The following RAPGEF2 variants were observed in gnomAD, a reference collection of about 807,000 sequenced individuals.
RAPGEF2 encodes the protein Rap guanine nucleotide exchange factor 2.
A neutral mutation model predicts 186.7 loss-of-function variants in RAPGEF2; 54 were observed. The observed-to-expected ratio is 0.29, with a 90% confidence interval of 0.23 to 0.36. RAPGEF2 has a LOEUF of 0.36. Among genes scored for constraint, RAPGEF2 ranks in the 10% least tolerant of loss-of-function variants. The probability of loss-of-function intolerance (pLI) is 1.00; values close to 1 mark genes in which losing one functional copy is unlikely to be tolerated. For synonymous variants in RAPGEF2, 712 were observed against 705.9 expected (o/e 1.01, Z -0.14); for missense variants, 1,532 against 2,045.0 (o/e 0.75, Z 4.84).
intron 1 of RAPGEF2, among the ~76,000 whole-genome samples, chr4:159,161,578 C>G (rs764464764): frequency 6.6e-6 from 1 of 152,038 alleles, no homozygotes; most frequent in Non-Finnish European, 1.5e-5. Flanking sequence ...GTGACACTTG[C>G]CTGTAGTCCC....
intron 4 of RAPGEF2, among the ~76,000 whole-genome samples, chr4:159,226,723 GT>G (rs889437854): frequency 2.0e-5 from 3 of 152,120 alleles, no homozygotes; most frequent in African/African-American, 4.8e-5. Context: ...AGTATTTTAT[GT>G]TTTGATTATA....
At chr4:159,307,876 C>T (rs1419786423) in intron 8 of RAPGEF2, among the ~76,000 whole-genome samples, 1 of 152,132 alleles carries the variant, frequency 6.6e-6, no homozygotes, top group African/African-American at 2.4e-5. Flanking sequence ...GAGGCTGAGG[C>T]ACGAGAATCT....
At chr4:159,247,920 G>T (rs1473399709) in intron 7 of RAPGEF2, among the ~76,000 whole-genome samples, 5 of 151,638 alleles carry the variant, frequency 3.3e-5, no homozygotes, top group Admixed American at 2.6e-4. Flanking sequence ...GCACCACCAG[G>T]CCTGGCTAAT....
At chr4:159,182,499 G>A (rs1370846298) in intron 1 of RAPGEF2, among the ~76,000 whole-genome samples, 1 of 145,438 alleles carries the variant, frequency 6.9e-6, no homozygotes, top group Non-Finnish European at 1.5e-5. Flanking sequence ...GGGTTCAAGC[G>A]ATTCTTCTGC....
At chr4:159,255,161 T>C (rs1258468571) in intron 7 of RAPGEF2, among the ~76,000 whole-genome samples, 1 of 152,146 alleles carries the variant, frequency 6.6e-6, no homozygotes, top group Non-Finnish European at 1.5e-5. Flanking sequence ...GGCAACATTA[T>C]CTAGGTTTGT....
chr4:159,318,983 T>G (rs752086694), intron 9 of RAPGEF2, among the ~76,000 whole-genome samples: 1 of 152,180 alleles, frequency 6.6e-6, no homozygotes, highest in Non-Finnish European at 1.5e-5. Context: ...ATTCTATAGA[T>G]TGTTCTAAGA....
chr4:159,146,985 G>A lies in RAPGEF2; in HGVS notation c.70-39657G>A, dbSNP rs541698629. On this transcript the variant is annotated intron_variant, in intron 1 of 29. Transcript: ENST00000691494. ...TTTGCTCTTATTTTTTGTAGAGATGGATTGGTTTCACTTTGTTGCCCTGGC... is the reference window on the plus strand; with the variant it reads ...TTTGCTCTTATTTTTTGTAGAGATGAATTGGTTTCACTTTGTTGCCCTGGC... Among the ~76,000 whole-genome samples, 3 of 152,276 alleles carry A rather than the reference G, an allele frequency of 2.0e-5. No homozygotes were observed. In the South Asian group the frequency reaches 6.2e-4, roughly 32 times the overall value.
chr4:159,131,695 C>T (rs1004442073), intron 1 of RAPGEF2, among the ~76,000 whole-genome samples: 1 of 151,578 alleles, frequency 6.6e-6, no homozygotes, highest in Admixed American at 6.6e-5. Flanking sequence ...TAACGTCTTT[C>T]GCGTTGTTGT....
chr4:159,139,823 A>G lies in RAPGEF2; in HGVS notation c.69+35592A>G, dbSNP rs141833972. 5.8e-4 allele frequency among the ~76,000 whole-genome samples: 88 copies of G among 152,286 alleles called. No homozygotes were observed. The South Asian group carries it at 0.017, about 29-fold the overall frequency. The stretch of plus-strand genomic sequence containing the variant: ...TGTTTATTAAATGGAAAATACCTCA[A>G]TGAATGTCTGTGCTAAAAGTAGATT... On this transcript the variant is annotated intron_variant, in intron 1 of 29. Coordinates refer to ENST00000691494, the MANE Select transcript of RAPGEF2 (RefSeq NM_001394067.2).
intron 7 of RAPGEF2, among the ~76,000 whole-genome samples, chr4:159,250,845 G>A (rs1412939682): frequency 1.3e-5 from 2 of 151,726 alleles, no homozygotes; most frequent in East Asian, 2.0e-4. Context: ...CCTTCAGACC[G>A]CCACTGCGCT....
chr4:159,221,001 G>C (rs1014842723), intron 4 of RAPGEF2, among the ~76,000 whole-genome samples: 1 of 152,216 alleles, frequency 6.6e-6, no homozygotes, highest in Non-Finnish European at 1.5e-5. Flanking sequence ...GAGGTTGGAA[G>C]GTAATGGAAG....
chr4:159,350,685 C>T (rs896385312), intron 26 of RAPGEF2, among the ~76,000 whole-genome samples: 11 of 152,160 alleles, frequency 7.2e-5, no homozygotes, highest in African/African-American at 2.7e-4. Context: ...TGTATTAACA[C>T]AGGTCTTGAT....
chr4:159,337,094 A>G (rs1218844035), intron 17 of RAPGEF2, among the ~76,000 whole-genome samples: 3 of 152,240 alleles, frequency 2.0e-5, no homozygotes, highest in Non-Finnish European at 2.9e-5. Context: ...CAGGCTTTTT[A>G]TAAATGGAAA....
At chr4:159,131,523 T>TTTTTTTTTTTTTTTTTTTTTTTTTTTG (rs1741096180) in intron 1 of RAPGEF2, among the ~76,000 whole-genome samples, 1 of 76,662 alleles carries the variant, frequency 1.3e-5, no homozygotes. Flanking sequence ...ATTGCTATTT[T>TTTTTTTTTTTTTTTTTTTTTTTTTTTG]TTTTTTTTTT....
chr4:159,191,064 GTCA>G (rs1329800071), intron 2 of RAPGEF2, among the ~76,000 whole-genome samples: 1 of 152,216 alleles, frequency 6.6e-6, no homozygotes, highest in Non-Finnish European at 1.5e-5. Flanking sequence ...TGCTTTGGAA[GTCA>G]TCAGTGTATA....
At chr4:159,342,090 A>T (rs967308549) in intron 20 of RAPGEF2, 143 bp downstream of exon 20, 2 of 839,100 alleles carry the variant, frequency 2.4e-6, no homozygotes, top group African/African-American at 3.5e-5. Flanking sequence ...CTGAATCCTA[A>T]CCTTAATCCT....
intron 1 of RAPGEF2, among the ~76,000 whole-genome samples, chr4:159,124,512 C>T (rs2111106913): frequency 6.6e-6 from 1 of 152,196 alleles, no homozygotes; most frequent in Non-Finnish European, 1.5e-5. Flanking sequence ...GCACTCCAGC[C>T]TGGGTGACAG....
chr4:159,246,779 G>T (rs1754681361), intron 7 of RAPGEF2, among the ~76,000 whole-genome samples: 1 of 152,180 alleles, frequency 6.6e-6, no homozygotes, highest in South Asian at 2.1e-4. Context: ...TATTTATTCA[G>T]TTTTTTACTG....
At chr4:159,187,291 C>T (rs2111296360) in intron 2 of RAPGEF2, among the ~76,000 whole-genome samples, 1 of 151,974 alleles carries the variant, frequency 6.6e-6, no homozygotes, top group African/African-American at 2.4e-5. Context: ...CTGTCTCTTT[C>T]TTCTTCCTCC....
Sources: allele counts gnomAD v4.1 joint callset (sites outside exome capture counted in the v4.1 genomes callset), GRCh38; gene constraint gnomAD v4.1.1; transcripts MANE v1.5; gene names NCBI Gene and HGNC (gene_info 2026-07-23, HGNC 2026-07-21).